The following CSE1L variants were observed in gnomAD, a reference collection of about 807,000 sequenced individuals.
CSE1L encodes exportin-2.
A neutral mutation model predicts 120.4 loss-of-function variants in CSE1L; 24 were observed. The ratio of observed to expected loss-of-function variants is 0.20; its 90% CI spans 0.14 to 0.28. The LOEUF is 0.28. Among genes scored for constraint, CSE1L ranks in the 10% least tolerant of loss-of-function variants. The pLI, the probability that CSE1L is intolerant of heterozygous loss-of-function variation, is 1.00. For missense variants in CSE1L, 830 were observed against 1,145.2 expected (o/e 0.72, Z 3.97); for synonymous variants, 402 against 398.3 (o/e 1.01, Z -0.11).
chr20:49,080,899 C>G (rs369178226), intron 14 of CSE1L, among the ~76,000 whole-genome samples: 9 of 152,270 alleles, frequency 5.9e-5, no homozygotes, highest in African/African-American at 2.2e-4. Flanking sequence ...CCTAAGCCTC[C>G]CTGAGTAGCC....
chr20:49,073,397 G>A (rs918355999), intron 10 of CSE1L, among the ~76,000 whole-genome samples: 1 of 152,200 alleles, frequency 6.6e-6, no homozygotes, highest in African/African-American at 2.4e-5. Flanking sequence ...TTGTGCTTAA[G>A]GTTAAACTAT....
chr20:49,058,859 C>T (rs375151904), intron 2 of CSE1L, among the ~76,000 whole-genome samples: 4 of 152,078 alleles, frequency 2.6e-5, no homozygotes, highest in South Asian at 2.1e-4. Flanking sequence ...AGGCCGGATG[C>T]GGTGGCTCAC....
intron 10 of CSE1L, among the ~76,000 whole-genome samples, chr20:49,074,180 T>TGTGTGA (rs1422086226): frequency 3.5e-5 from 1 of 28,246 alleles, no homozygotes; most frequent in Admixed American, 3.9e-4. Context: ...AACTGCAGTG[T>TGTGTGA]GTGTGTGTGT....
chr20:49,066,138 G>A (rs1448277155), intron 3 of CSE1L, 54 bp from the exon 4 acceptor site: 6 of 1,395,024 alleles, frequency 4.3e-6, no homozygotes, highest in African/African-American at 1.4e-5. Flanking sequence ...CTAAAATCAT[G>A]TGGACATGAA....
chr20:49,079,751 C>T (rs889836951), intron 14 of CSE1L, among the ~76,000 whole-genome samples: 1 of 152,018 alleles, frequency 6.6e-6, no homozygotes, highest in African/African-American at 2.4e-5. Flanking sequence ...GATTTTACAT[C>T]CCAGGAATAC....
intron 1 of CSE1L, among the ~76,000 whole-genome samples, chr20:49,052,178 TG>T (rs1304450504): frequency 6.6e-6 from 1 of 152,204 alleles, no homozygotes; most frequent in Non-Finnish European, 1.5e-5. Context: ...CATGTTTTGC[TG>T]GGTGACTGAC....
In CSE1L at chr20:49,053,146, T is replaced by C. The variant is rs1447151395; in HGVS notation, c.-11-5307T>C. On this transcript the variant is annotated intron_variant, in intron 1 of 24. Transcript: ENST00000262982. ...ACAATACAGTGAGACCCCCTGTCTCTCTTTTTTTTTTTTTTTTTTTTTTTT... is the reference window on the plus strand; with the variant it reads ...ACAATACAGTGAGACCCCCTGTCTCCCTTTTTTTTTTTTTTTTTTTTTTTT... Among the ~76,000 whole-genome samples the C allele has an allele frequency of 5.3e-5, 5 of 94,760 alleles. No individual in the cohort carries two copies. In the Admixed American group the frequency reaches 6.0e-4, roughly 11 times the overall value. 62.2% of individuals were successfully genotyped at this position (94,760 alleles called of 152,430 possible).
At chr20:49,093,700 T>C (rs988484533) in intron 22 of CSE1L, among the ~76,000 whole-genome samples, 3 of 151,542 alleles carry the variant, frequency 2.0e-5, no homozygotes, top group African/African-American at 7.3e-5. Context: ...GTGGATCACC[T>C]GAGGTCAGGA....
chr20:49,052,037 T>TA (rs1378518922), intron 1 of CSE1L, among the ~76,000 whole-genome samples: 1 of 152,214 alleles, frequency 6.6e-6, no homozygotes, highest in African/African-American at 2.4e-5. Context: ...TACTTTTGAA[T>TA]AAACAAATTT....
In CSE1L at chr20:49,078,586, T is replaced by C; in HGVS notation, c.1446T>C (p.Ala482=). 1.3e-6 allele frequency: 2 copies of C among 1,576,184 alleles called. No individual in the cohort carries two copies. Among genetic ancestry groups the C allele is most frequent in the Non-Finnish European group, 1.7e-6 (2 of 1,160,862 alleles). The stretch of plus-strand genomic sequence containing the variant: ...TGAATGAATTTCCTGTCCTTAAAGC[T>C]GACGGTATCAAATATATTATGATTT... The part of the protein sequence containing the change: ...ANVNEFPVLK[A]DGIKYIMIFR... The change falls in exon 14 of 25, where the codon GCT becomes GCC. Residue 482 remains alanine (A), a synonymous_variant. Transcript: ENST00000262982.
At position 49,066,210 on chromosome 20, in the gene CSE1L, A is replaced by G. The variant is rs759072407; in HGVS notation, c.247A>G (p.Lys83Glu). The G allele has an allele frequency of 1.2e-6, 2 of 1,614,102 alleles. No individual in the cohort carries two copies. Among genetic ancestry groups the G allele is most frequent in the Non-Finnish European group, 8.5e-7 (1 of 1,180,040 alleles). The change falls in exon 4 of 25, where the codon AAA becomes GAA. Residue 83 changes from lysine (K) to glutamate (E), a missense_variant. This residue lies in a region of CSE1L where 543 missense variants were observed against 640.2 expected (regional missense o/e 0.85). Coordinates refer to ENST00000262982, the MANE Select transcript of CSE1L (RefSeq NM_001316.4). ...CTTTTAGGTTGAAGATGAACCAAAC[A>G]AAATTTGTGAAGCCGATCGAGTGGC... ...NWRIVEDEPN[K>E]ICEADRVAIK...
chr20:49,057,912 A>G (rs999963560), intron 1 of CSE1L, among the ~76,000 whole-genome samples: 1 of 151,904 alleles, frequency 6.6e-6, no homozygotes. Context: ...GATTACAGGC[A>G]TGAGCCACCA....
Position 49,052,291 on chromosome 20 carries a change from G to A in CSE1L, c.-12+5868G>A, listed in dbSNP as rs368957162. Among the ~76,000 whole-genome samples, 9 of 152,328 alleles carry A rather than the reference G, an allele frequency of 5.9e-5. No individual in the cohort carries two copies. The South Asian group carries it at 1.9e-3, about 32-fold the overall frequency. ...CCTGAGCATACAGACGAAAGTCCCT[G>A]CCCTCAGGAGCTTGCAGTCTAGTGT... On this transcript the variant is annotated intron_variant, in intron 1 of 24. Transcript: ENST00000262982.
At chr20:49,058,270 T>C (rs1188719663) in intron 1 of CSE1L, among the ~76,000 whole-genome samples, 183 bp from the exon 2 acceptor site, 1 of 152,188 alleles carries the variant, frequency 6.6e-6, no homozygotes, top group East Asian at 1.9e-4. Context: ...ACTATTGTTT[T>C]TGGGGGAAAA....
At chr20:49,061,493 A>G (rs1316727912) in intron 2 of CSE1L, among the ~76,000 whole-genome samples, 1 of 139,764 alleles carries the variant, frequency 7.2e-6, no homozygotes, top group African/African-American at 2.6e-5. Context: ...ATTATTATTT[A>G]TTTATTTATT....
chr20:49,051,545 C>CA (rs541364839), intron 1 of CSE1L, among the ~76,000 whole-genome samples: 7 of 151,726 alleles, frequency 4.6e-5, no homozygotes, highest in East Asian at 1.9e-4. Context: ...CCCCTGTCTC[C>CA]AAAAAAAACA....
chr20:49,053,347 CTTTTTTTTT>C (rs11419181), intron 1 of CSE1L, among the ~76,000 whole-genome samples: 8 of 63,750 alleles, frequency 1.3e-4, no homozygotes, highest in East Asian at 6.2e-4. Flanking sequence ...AGCAAACTAA[CTTTTTTTTT>C]TTTTTTTTTT....
chr20:49,085,562 ATTTTTTTTTTTTTT>A (rs11471947), intron 16 of CSE1L, among the ~76,000 whole-genome samples, 176 bp downstream of exon 16: 14,401 of 80,890 alleles, frequency 0.18, 1,346 homozygotes, highest in African/African-American at 0.32. Context: ...ACTAACAATA[ATTTTTTTTTTTTTT>A]TTTTTTTTTT....
At chr20:49,077,439 C>T (rs1478802721) in intron 13 of CSE1L, among the ~76,000 whole-genome samples, 3 of 152,098 alleles carry the variant, frequency 2.0e-5, no homozygotes, top group Non-Finnish European at 2.9e-5. Flanking sequence ...GGATTGCAGG[C>T]GTGAGCCTCC....
Sources: allele counts gnomAD v4.1 joint callset (sites outside exome capture counted in the v4.1 genomes callset), GRCh38; gene constraint gnomAD v4.1.1; regional missense constraint gnomAD v4.1.1; transcripts MANE v1.5; gene names NCBI Gene and HGNC (gene_info 2026-07-23, HGNC 2026-07-21).